The following PHF11 variants were observed in gnomAD, a reference collection of about 807,000 sequenced individuals.
PHF11 encodes PHD finger protein 11, also known as BRCA1 C-terminus-associated protein.
Under a neutral mutation model 40.5 loss-of-function variants are expected in PHF11, and 38 were observed. The ratio of observed to expected loss-of-function variants is 0.94; its 90% CI spans 0.72 to 1.23. The LOEUF (loss-of-function observed/expected upper bound fraction) is 1.23. PHF11 is among the 50% of genes most tolerant of loss of function. PHF11 has a pLI of 0.00. For missense variants in PHF11, 369 were observed against 392.4 expected, an observed-to-expected ratio of 0.94 and a Z score of 0.50; for synonymous variants, 127 against 138.2, an observed-to-expected ratio of 0.92 and a Z score of 0.57.
intron 3 of PHF11, 91 bp downstream of exon 3, chr13:49,513,257 A>T (rs1267485869): frequency 3.2e-6 from 2 of 626,738 alleles, no homozygotes; most frequent in Non-Finnish European, 5.7e-6. Flanking sequence ...TACACCAGGG[A>T]TAGAGAAGCA....
At chr13:49,498,406 AGT>A (rs1958850479) in intron 1 of PHF11, among the ~76,000 whole-genome samples, 1 of 130,836 alleles carries the variant, frequency 7.6e-6, no homozygotes, top group Non-Finnish European at 1.5e-5. Context: ...ACAGTAACCT[AGT>A]ACATTTCCGG....
At chr13:49,513,888 G>A (rs1959113568) in intron 3 of PHF11, among the ~76,000 whole-genome samples, 1 of 152,144 alleles carries the variant, frequency 6.6e-6, no homozygotes, top group South Asian at 2.1e-4. Context: ...TGTGGTCATA[G>A]GGTGGCCGCA....
intron 8 of PHF11, among the ~76,000 whole-genome samples, chr13:49,524,878 A>G (rs141681917): frequency 4.0e-4 from 61 of 152,258 alleles, no homozygotes; most frequent in Admixed American, 7.9e-4. Flanking sequence ...GTCAAAAGTA[A>G]CCTCATGCCC....
chr13:49,498,691 A>G (rs1269152102), intron 1 of PHF11, among the ~76,000 whole-genome samples: 1 of 152,264 alleles, frequency 6.6e-6, no homozygotes, highest in Non-Finnish European at 1.5e-5. Flanking sequence ...AATATAAAGA[A>G]TGCAGTGGGA....
intron 9 of PHF11, 56 bp from the exon 10 acceptor site, chr13:49,528,455 T>G (rs545254789): frequency 8.1e-7 from 1 of 1,234,970 alleles, no homozygotes; most frequent in African/African-American, 1.5e-5. Context: ...AATGGTACAT[T>G]ATTTCTAATA....
chr13:49,516,994 GT>G lies in PHF11; in HGVS notation c.325-1018del, dbSNP rs144921989. ...CTCCTATATTTCCTAATCTTTAAGA[GT>G]TTTTTGTTTAACATTGTTATCTGGT... On this transcript the variant is annotated intron_variant, in intron 3 of 9. Transcript: ENST00000378319. 3.3e-3 allele frequency among the ~76,000 whole-genome samples: 502 copies of G among 152,068 alleles called. 1 individual carries two copies. The highest frequency in any genetic ancestry group is 6.1e-3 in the Non-Finnish European group (417 of 67,968).
intron 2 of PHF11, among the ~76,000 whole-genome samples, chr13:49,508,471 A>T (rs1959041480): frequency 6.7e-6 from 1 of 150,214 alleles, no homozygotes; most frequent in Non-Finnish European, 1.5e-5. Flanking sequence ...TAAATTTCAA[A>T]ACTGTTAAAT....
chr13:49,522,770 T>G (rs1460684276), intron 6 of PHF11, among the ~76,000 whole-genome samples: 1 of 147,946 alleles, frequency 6.8e-6, no homozygotes. Flanking sequence ...TTTTTTTGTT[T>G]TTTTTTTTTT....
At chr13:49,506,223 C>A (rs376286067) in intron 1 of PHF11, among the ~76,000 whole-genome samples, 191 of 149,982 alleles carry the variant, frequency 1.3e-3, no homozygotes, top group African/African-American at 4.5e-3. Context: ...GGTAGCAAGA[C>A]CCCGGTCTCT....
chr13:49,496,430 A>C (rs1329116408), intron 1 of PHF11: 11 of 1,059,872 alleles, frequency 1.0e-5, no homozygotes, highest in African/African-American at 1.7e-5. Flanking sequence ...CAACTCTCCT[A>C]GCGCCCCTCC....
intron 2 of PHF11, among the ~76,000 whole-genome samples, chr13:49,510,344 A>G (rs183814439): frequency 1.4e-3 from 213 of 152,196 alleles, no homozygotes; most frequent in African/African-American, 4.5e-3. Context: ...TTTTTATAAC[A>G]AAAGATTTTA....
intron 1 of PHF11, among the ~76,000 whole-genome samples, chr13:49,497,428 C>T (rs1195858683): frequency 6.6e-6 from 1 of 152,176 alleles, no homozygotes; most frequent in African/African-American, 2.4e-5. Flanking sequence ...TTAGTGGCTC[C>T]TCAGGGCCTC....
intron 5 of PHF11, 136 bp from the exon 6 acceptor site, chr13:49,521,907 T>C: frequency 2.0e-6 from 1 of 510,118 alleles, no homozygotes; most frequent in African/African-American, 2.0e-5. Flanking sequence ...TCATAAGTGC[T>C]GCAAACACTT....
intron 1 of PHF11, chr13:49,497,356 G>T: frequency 1.9e-6 from 1 of 516,314 alleles, no homozygotes; most frequent in South Asian, 1.6e-5. Context: ...CTGTATTCAG[G>T]TACTCCAAAC....
At chr13:49,502,103 CAT>C (rs576802106) in intron 1 of PHF11, among the ~76,000 whole-genome samples, 244 of 152,156 alleles carry the variant, frequency 1.6e-3, no homozygotes, top group African/African-American at 5.7e-3. Context: ...AGTTCGAAAC[CAT>C]CCTGGACAAC....
Position 49,506,753 on chromosome 13 carries a change from T to C in PHF11, c.213T>C (p.Cys71=), listed in dbSNP as rs1958999092. The change falls in exon 2 of 10, where the codon TGT becomes TGC. Residue 71 remains cysteine, a synonymous_variant. Coordinates refer to ENST00000378319, the MANE Select transcript of PHF11 (RefSeq NM_001040443.3). ...AGAATATAGCTGCTCATGAGAATTG[T>C]TTGGTAAGTTACTTGAAAACATACT... is the stretch of plus-strand genomic sequence containing the variant. ...QSENIAAHEN[C]LLYSSGLVEC... The C allele has an allele frequency of 6.2e-7, 1 of 1,606,460 alleles. No homozygotes were observed. Among genetic ancestry groups the C allele is most frequent in the Non-Finnish European group, 8.5e-7 (1 of 1,174,430 alleles).
rs547432088 is a variant in PHF11, at chr13:49,501,008, T to G, written c.94+4913T>G. ...GGGAGTCACCAACTTTTGTTTTTTT[T>G]TTTTTTTGGTTTTTTTTTTTCTGAA... On this transcript the variant is annotated intron_variant, in intron 1 of 9. Coordinates refer to ENST00000378319, the MANE Select transcript of PHF11 (RefSeq NM_001040443.3). Among the ~76,000 whole-genome samples, 81 of 122,738 alleles carry G rather than the reference T, an allele frequency of 6.6e-4. 2 individuals carry two copies. Among genetic ancestry groups the G allele is most frequent in the South Asian group, 1.1e-3 (4 of 3,486 alleles). 80.5% of individuals were successfully genotyped at this position (122,738 alleles called of 152,430 possible).
At chr13:49,528,371 C>G in intron 9 of PHF11, 140 bp from the exon 10 acceptor site, 1 of 594,892 alleles carries the variant, frequency 1.7e-6, no homozygotes, top group Non-Finnish European at 2.9e-6. Flanking sequence ...CAGCTCCTGC[C>G]CATAAGGCTC....
intron 3 of PHF11, among the ~76,000 whole-genome samples, chr13:49,517,457 G>GA (rs1959166763): frequency 6.6e-6 from 1 of 152,142 alleles, no homozygotes; most frequent in Non-Finnish European, 1.5e-5. Flanking sequence ...ATTGAACCAA[G>GA]AAAAAACTGT....
Sources: allele counts gnomAD v4.1 joint callset (sites outside exome capture counted in the v4.1 genomes callset), GRCh38; gene constraint gnomAD v4.1.1; transcripts MANE v1.5; gene names NCBI Gene and HGNC (gene_info 2026-07-23, HGNC 2026-07-21).